Variants in ATP4B observed in about 807,000 individuals in gnomAD.
The protein encoded by ATP4B is ATPase H+/K+ transporting subunit beta.
In ATP4B, 27 loss-of-function variants were observed where a neutral mutation model predicts 35.3. That is an observed-to-expected ratio of 0.76 (90% CI 0.56 to 1.05). The LOEUF (loss-of-function observed/expected upper bound fraction) is 1.05. ATP4B is among the 50% of genes least tolerant of loss of function. The probability of loss-of-function intolerance (pLI) is 0.00; values close to 1 mark genes in which losing one functional copy is unlikely to be tolerated. For synonymous variants in ATP4B, 162 were observed against 156.0 expected (o/e 1.04, Z -0.29); for missense variants, 375 against 384.8 (o/e 0.97, Z 0.21).
chr13:113,653,560 G>C, intron 2 of ATP4B, 126 bp from the exon 3 acceptor site: 1 of 727,724 alleles, frequency 1.4e-6, no homozygotes, highest in South Asian at 1.7e-5. Flanking sequence ...GGAGTAAACT[G>C]TCTGCAGCAC....
In ATP4B at chr13:113,653,411, A is replaced by T; in HGVS notation, c.265T>A (p.Tyr89Asn). 1 of 1,614,206 alleles carries T rather than the reference A, an allele frequency of 6.2e-7. No individual in the cohort carries two copies. Among genetic ancestry groups the T allele is most frequent in the Non-Finnish European group, 8.5e-7 (1 of 1,180,034 alleles). The change falls in exon 3 of 7, where the codon TAC (tyrosine) becomes AAC (asparagine). Residue 89 changes from tyrosine (Y) to asparagine (N), a missense_variant. Coordinates refer to ENST00000335288, the MANE Select transcript of ATP4B (RefSeq NM_000705.4). Reference sequence around the variant, plus strand: ...ACAATTTCCAGGCCTTTCTCCCCGTAAACATCCGGCCTTAAGGTTACCCCT... The same window carrying T: ...ACAATTTCCAGGCCTTTCTCCCCGTTAACATCCGGCCTTAAGGTTACCCCT... ...SPGVTLRPDV[Y>N]GEKGLEIVYN...
chr13:113,650,352 G>C lies in ATP4B; in HGVS notation c.714+54C>G. 2 of 1,526,646 alleles carry C rather than the reference G, an allele frequency of 1.3e-6. No individual in the cohort carries two copies. Among genetic ancestry groups the C allele is most frequent in the Non-Finnish European group, 1.8e-6 (2 of 1,101,532 alleles). 94.6% of individuals were successfully genotyped at this position (1,526,646 alleles called of 1,614,324 possible). On this transcript the variant is annotated intron_variant, in intron 6 of 6. Coordinates refer to ENST00000335288, the MANE Select transcript of ATP4B (RefSeq NM_000705.4). The surrounding 1 kb of genome is among the most constrained non-coding windows in gnomAD (Gnocchi z 5.0). ...GGGCTTATTGCTTTCCTTTCGCTAA[G>C]TGTGAGAGGACTCAGCAGCTGTGGT...
chr13:113,652,627 C>A (rs2049720772), intron 4 of ATP4B: 1 of 591,244 alleles, frequency 1.7e-6, no homozygotes, highest in African/African-American at 1.8e-5. Context: ...GACCCCTGTT[C>A]AAATGTTTCC....
At position 113,650,458 on chromosome 13, in the gene ATP4B, G is replaced by C. The variant is rs372158751; in HGVS notation, c.662C>G (p.Pro221Arg). 7.5e-5 allele frequency: 121 copies of C among 1,614,006 alleles called. No individual in the cohort carries two copies. The highest frequency in any genetic ancestry group is 9.2e-5 in the Non-Finnish European group (108 of 1,179,988). Residue 221 changes from proline (P) to arginine (R), a missense_variant, in exon 6 of 7, where the codon CCC becomes CGC. Coordinates refer to ENST00000335288, the MANE Select transcript of ATP4B (RefSeq NM_000705.4). This position sits in a 1 kb window ranked among gnomAD's most constrained non-coding sequence, Gnocchi z 5.0. ...GTAGTGCAGACTGAAGGTGCCGTTG[G>C]GAGGGTAGTACTTGACCTGCAGCGG... Reference protein sequence around the residue: ...GQPLQVKYYPPNGTFSLHYFP... With the variant: ...GQPLQVKYYPRNGTFSLHYFP...
Position 113,657,991 on chromosome 13 carries a change from G to A in ATP4B, c.112+42C>T, listed in dbSNP as rs367916544. 579 of 1,499,542 alleles carry A rather than the reference G, an allele frequency of 3.9e-4. 1 individual carries two copies. In the African/African-American group the frequency reaches 5.2e-3, roughly 14 times the overall value. The allele number at this position is 1,499,542 out of a possible 1,614,324, so 92.9% of individuals were successfully genotyped here. ...CACCTGGAGGCTGCGTCCTCAGAGCGGCCCCCTCCATGCACCCAGCCGGCC... is the reference window on the plus strand; with the variant it reads ...CACCTGGAGGCTGCGTCCTCAGAGCAGCCCCCTCCATGCACCCAGCCGGCC... On this transcript the variant is annotated intron_variant, in intron 1 of 6. Transcript: ENST00000335288.
rs2049704197 is a variant in ATP4B, at chr13:113,650,504, G to C, written c.616C>G (p.Gln206Glu). Residue 206 changes from glutamine (Q) to glutamate (E), a missense_variant, in exon 6 of 7, where the codon CAG (glutamine) becomes GAG (glutamate). Gln to Glu is a conservative substitution (Grantham distance 29). Coordinates refer to ENST00000335288, the MANE Select transcript of ATP4B (RefSeq NM_000705.4). The surrounding 1 kb of genome is among the most constrained non-coding windows in gnomAD (Gnocchi z 5.0). ...APRVDCAFLD[Q>E]PRELGQPLQV... is the part of the protein sequence containing the mutation. ...AGCGGCTGGCCGAGCTCGCGGGGCT[G>C]GTCCTGGGGAGGAGAGGCCACTGCC... The C allele has an allele frequency of 5.0e-6, 8 of 1,610,858 alleles. No homozygotes were observed. Among genetic ancestry groups the C allele is most frequent in the Non-Finnish European group, 6.8e-6 (8 of 1,178,382 alleles).
intron 1 of ATP4B, among the ~76,000 whole-genome samples, chr13:113,657,292 C>T (rs749647045): frequency 1.3e-4 from 20 of 152,322 alleles, no homozygotes; most frequent in South Asian, 2.1e-4. Context: ...CCAGTTCAGC[C>T]GCATCCCGAC....
Position 113,651,532 on chromosome 13 carries a change from C to A in ATP4B, c.612+139G>T, listed in dbSNP as rs548824674. 3 of 920,996 alleles carry A rather than the reference C, an allele frequency of 3.3e-6. No individual in the cohort carries two copies. In the East Asian group the frequency reaches 9.3e-5, roughly 28 times the overall value. 57.1% of individuals were successfully genotyped at this position (920,996 alleles called of 1,614,324 possible). ...GGTGGAGCTCGCTGTGGTGATGGTT[C>A]GGTGTTTACGTCTGGTTTACTGGGC... is the stretch of plus-strand genomic sequence containing the variant. On this transcript the variant is annotated intron_variant, in intron 5 of 6. Coordinates refer to ENST00000335288, the MANE Select transcript of ATP4B (RefSeq NM_000705.4).
At chr13:113,657,302 C>A (rs185482996) in intron 1 of ATP4B, among the ~76,000 whole-genome samples, 4 of 152,342 alleles carry the variant, frequency 2.6e-5, no homozygotes, top group African/African-American at 9.6e-5. Flanking sequence ...CGCATCCCGA[C>A]GCCCAGGGGT....
At chr13:113,657,917 G>A in intron 1 of ATP4B, 116 bp downstream of exon 1, 1 of 836,784 alleles carries the variant, frequency 1.2e-6, no homozygotes, top group East Asian at 2.7e-5. Context: ...CATCCAGGCA[G>A]CATCGGGGTC....
rs183239084 is a variant in ATP4B, at chr13:113,654,325, C to T, written c.241+489G>A. ...GGGACGTCTGTCCTGTGGCCTCTGA[C>T]GACTCGGATGCCTGTTCCTCTGTCC... On this transcript the variant is annotated intron_variant, in intron 2 of 6. Coordinates refer to ENST00000335288, the MANE Select transcript of ATP4B (RefSeq NM_000705.4). Among the ~76,000 whole-genome samples the T allele has an allele frequency of 5.9e-5, 9 of 152,340 alleles. No homozygotes were observed. In the East Asian group the frequency reaches 7.7e-4, roughly 13 times the overall value.
chr13:113,649,462 C>A lies in ATP4B; in HGVS notation c.788G>T (p.Cys263Phe). The part of the protein sequence containing the change: ...IPRNAEVAIV[C>F]KVMAEHVTFN... ...GGTCACGTGCTCCGCCATGACCTTG[C>A]ACACGATGGCGACCTCAGCGTTCCT... The change falls in exon 7 of 7, where the codon TGC becomes TTC. Residue 263 changes from cysteine (C) to phenylalanine (F), a missense_variant. Transcript: ENST00000335288. The surrounding 1 kb of genome is among the most constrained non-coding windows in gnomAD (Gnocchi z 4.7). 6.4e-7 allele frequency: 1 copy of A among 1,565,512 alleles called. No homozygotes were observed.
intron 1 of ATP4B, among the ~76,000 whole-genome samples, chr13:113,657,446 C>T (rs1316692198): frequency 5.9e-5 from 9 of 152,346 alleles, no homozygotes; most frequent in Non-Finnish European, 1.3e-4. Flanking sequence ...CTTGGAGGCC[C>T]AGGCATCTGC....
intron 2 of ATP4B, 149 bp downstream of exon 2, chr13:113,654,665 T>A (rs1462003071): frequency 7.9e-7 from 1 of 1,270,968 alleles, no homozygotes. Flanking sequence ...GGGCACCTGC[T>A]GGGGTGTGTG....
chr13:113,652,967 A>G lies in ATP4B; in HGVS notation c.461T>C (p.Phe154Ser). The change falls in exon 4 of 7, where the codon TTC (phenylalanine) becomes TCC (serine). Residue 154 changes from phenylalanine (F) to serine (S), a missense_variant. By Grantham distance (155) the Phe-to-Ser change is radical (BLOSUM62 -2). Transcript: ENST00000335288. Reference protein sequence around the residue: ...APNHTKFSCKFTADMLQNCSG... With the variant: ...APNHTKFSCKSTADMLQNCSG... ...GCAGTTCTGCAGCATATCTGCCGTG[A>G]ACTTGCAGGAGAACTTGGTGTGGTT... 1 of 1,614,212 alleles carries G rather than the reference A, an allele frequency of 6.2e-7. No individual in the cohort carries two copies. Among genetic ancestry groups the G allele is most frequent in the Non-Finnish European group, 8.5e-7 (1 of 1,180,040 alleles).
In ATP4B at chr13:113,650,724, C is replaced by T. The variant is rs373609421; in HGVS notation, c.613-217G>A. ...TAGCATGCAAAATGCCCAGTGACCCCTCCGTGTGCCTCTAACAACTTGAAA... is the reference window on the plus strand; with the variant it reads ...TAGCATGCAAAATGCCCAGTGACCCTTCCGTGTGCCTCTAACAACTTGAAA... On this transcript the variant is annotated intron_variant, in intron 5 of 6. Transcript: ENST00000335288. The surrounding 1 kb of genome is among the most constrained non-coding windows in gnomAD (Gnocchi z 5.0). Among the ~76,000 whole-genome samples the T allele has an allele frequency of 1.3e-5, 2 of 152,186 alleles. No homozygotes were observed. Among genetic ancestry groups the T allele is most frequent in the African/African-American group, 4.8e-5 (2 of 41,448 alleles).
chr13:113,652,667 G>C (rs1365569063), intron 4 of ATP4B: 12 of 681,420 alleles, frequency 1.8e-5, no homozygotes, highest in South Asian at 1.2e-4. Context: ...CTATGTGCTG[G>C]TGTCTGACGA....
At chr13:113,653,270 AC>A in intron 3 of ATP4B, 50 bp downstream of exon 3, 1 of 1,566,500 alleles carries the variant, frequency 6.4e-7, no homozygotes, top group Non-Finnish European at 8.8e-7. Context: ...CCGCCGCTTC[AC>A]ACCTCACCCA....
In ATP4B at chr13:113,649,881, G is replaced by A. The variant is rs1257064313; in HGVS notation, c.715-346C>T. On this transcript the variant is annotated intron_variant, in intron 6 of 6. Transcript: ENST00000335288. This position sits in a 1 kb window ranked among gnomAD's most constrained non-coding sequence, Gnocchi z 4.7. ...GAGGATCTGGGAAGTAGAAAAATTA[G>A]GCTGGGCGCAGTGGCTCATGCCTGT... Among the ~76,000 whole-genome samples the A allele has an allele frequency of 6.6e-6, 1 of 152,192 alleles. No individual in the cohort carries two copies. The highest frequency in any genetic ancestry group is 1.5e-5 in the Non-Finnish European group (1 of 68,036).
Sources: allele counts gnomAD v4.1 joint callset (sites outside exome capture counted in the v4.1 genomes callset), GRCh38; gene constraint gnomAD v4.1.1; non-coding constraint Gnocchi (gnomAD v3.1); transcripts MANE v1.5; gene names NCBI Gene and HGNC (gene_info 2026-07-23, HGNC 2026-07-21).